Variants in DEFB118 observed in about 807,000 individuals in gnomAD.
DEFB118 encodes defensin beta 118, also known as defensin, beta 18.
In DEFB118, 3 loss-of-function variants were observed where a neutral mutation model predicts 2.8. The ratio of observed to expected loss-of-function variants is 1.09; its 90% CI spans 0.50 to 2.82. The LOEUF (loss-of-function observed/expected upper bound fraction) is 2.82, where lower values mean the gene tolerates loss of function less well. Ranked by LOEUF, DEFB118 falls within the 30% of genes most tolerant of loss-of-function variation. DEFB118 has a pLI of 0.04. For synonymous variants in DEFB118, 63 were observed against 53.5 expected (o/e 1.18, Z -0.78); for missense variants, 159 against 144.6 (o/e 1.10, Z -0.51).
chr20:31,369,296 A>G (rs1033366775), intron 1 of DEFB118, among the ~76,000 whole-genome samples: 2 of 151,736 alleles, frequency 1.3e-5, no homozygotes, highest in Non-Finnish European at 2.9e-5. Context: ...ATTTCAATGT[A>G]TGATCGAACT....
chr20:31,371,633 G>T (rs1047613926), intron 1 of DEFB118, among the ~76,000 whole-genome samples: 1 of 151,976 alleles, frequency 6.6e-6, no homozygotes, highest in African/African-American at 2.4e-5. Context: ...ACCACGCCTG[G>T]CTAATTTTTG....
In DEFB118 at chr20:31,373,244, C is replaced by G; in HGVS notation, c.*74C>G. The G allele has an allele frequency of 7.3e-7, 1 of 1,373,552 alleles. No individual in the cohort carries two copies. The allele number at this position is 1,373,552 out of a possible 1,614,324, so 85.1% of individuals were successfully genotyped here. ...TCACATACAGATAAAGCACTGAAAA[C>G]ACCACAGTGACCCTCCCACCCCCCA... is the stretch of plus-strand genomic sequence containing the variant. On this transcript the variant is annotated 3_prime_UTR_variant, in exon 2 of 2. Coordinates refer to ENST00000253381, the MANE Select transcript of DEFB118 (RefSeq NM_054112.3).
Position 31,373,906 on chromosome 20 carries a change from A to C in DEFB118, c.*736A>C, listed in dbSNP as rs1986259894. The C allele has an allele frequency of 6.6e-6, 1 of 151,442 alleles. No individual in the cohort carries two copies. The highest frequency in any genetic ancestry group is 2.4e-5 in the African/African-American group (1 of 41,288). 9.4% of individuals were successfully genotyped at this position (151,442 alleles called of 1,614,324 possible). ...ATTTGTCTCCCTCTGATAGCAAAAA[A>C]AAAAAAAAAAAAAAAAATCTTCACA... is the stretch of plus-strand genomic sequence containing the variant. On this transcript the variant is annotated 3_prime_UTR_variant, in exon 2 of 2. Coordinates refer to ENST00000253381, the MANE Select transcript of DEFB118 (RefSeq NM_054112.3).
chr20:31,370,101 T>C (rs914286109), intron 1 of DEFB118, among the ~76,000 whole-genome samples: 2 of 152,066 alleles, frequency 1.3e-5, no homozygotes, highest in Non-Finnish European at 2.9e-5. Context: ...TACCCTGGCG[T>C]TCAGGGTAGG....
intron 1 of DEFB118, among the ~76,000 whole-genome samples, chr20:31,370,948 A>G (rs1268879371): frequency 6.6e-6 from 1 of 152,006 alleles, no homozygotes; most frequent in Non-Finnish European, 1.5e-5. Flanking sequence ...ATGGGGTTTC[A>G]GCACATTGGC....
Position 31,368,612 on chromosome 20 carries a change from T to C in DEFB118, c.-39T>C, listed in dbSNP as rs1363121438. On this transcript the variant is annotated 5_prime_UTR_variant, in exon 1 of 2. Coordinates refer to ENST00000253381, the MANE Select transcript of DEFB118 (RefSeq NM_054112.3). Reference sequence around the variant, plus strand: ...CAGACTCACACTGCACACAGTATTCTGAACTCCTGGATCTACCACCTCCTG... The same window carrying C: ...CAGACTCACACTGCACACAGTATTCCGAACTCCTGGATCTACCACCTCCTG... 1 of 1,607,322 alleles carries C rather than the reference T, an allele frequency of 6.2e-7. No homozygotes were observed. The highest frequency in any genetic ancestry group is 8.5e-7 in the Non-Finnish European group (1 of 1,174,108).
intron 1 of DEFB118, among the ~76,000 whole-genome samples, chr20:31,369,310 A>G (rs760168096): frequency 1.3e-5 from 2 of 152,094 alleles, no homozygotes; most frequent in Non-Finnish European, 2.9e-5. Context: ...TCGAACTTAC[A>G]TAAAAATGAA....
Position 31,373,244 on chromosome 20 carries a change from C to A in DEFB118, c.*74C>A. On this transcript the variant is annotated 3_prime_UTR_variant, in exon 2 of 2. Coordinates refer to ENST00000253381, the MANE Select transcript of DEFB118 (RefSeq NM_054112.3). ...TCACATACAGATAAAGCACTGAAAA[C>A]ACCACAGTGACCCTCCCACCCCCCA... The A allele has an allele frequency of 7.3e-7, 1 of 1,373,552 alleles. No individual in the cohort carries two copies. The highest frequency in any genetic ancestry group is 1.3e-5 in the South Asian group (1 of 75,088). 85.1% of individuals were successfully genotyped at this position (1,373,552 alleles called of 1,614,324 possible).
intron 1 of DEFB118, 35 bp downstream of exon 1, chr20:31,368,743 G>T (rs774210132): frequency 2.5e-6 from 4 of 1,597,596 alleles, no homozygotes; most frequent in African/African-American, 2.7e-5. Context: ...AAAAATAGAG[G>T]TATAGTGGGT....
rs756368848 is a variant in DEFB118 at position 31,368,721 on chromosome 20, C to T, written c.58+13C>T. On this transcript the variant is annotated intron_variant, in intron 1 of 1. Coordinates refer to ENST00000253381, the MANE Select transcript of DEFB118 (RefSeq NM_054112.3). ...CAAGTGATCCCAGGTAATCAGAGGT[C>T]AGGGAAGATACAAAAATAGAGGTAT... The T allele has an allele frequency of 9.3e-6, 15 of 1,612,450 alleles. No individual in the cohort carries two copies. The highest frequency in any genetic ancestry group is 1.3e-5 in the Non-Finnish European group (15 of 1,178,772).
Position 31,368,728 on chromosome 20 carries a change from G to C in DEFB118, c.58+20G>C. On this transcript the variant is annotated intron_variant, in intron 1 of 1. Coordinates refer to ENST00000253381, the MANE Select transcript of DEFB118 (RefSeq NM_054112.3). Reference sequence around the variant, plus strand: ...TCCCAGGTAATCAGAGGTCAGGGAAGATACAAAAATAGAGGTATAGTGGGT... The same window carrying C: ...TCCCAGGTAATCAGAGGTCAGGGAACATACAAAAATAGAGGTATAGTGGGT... The C allele has an allele frequency of 6.2e-6, 10 of 1,611,536 alleles. No individual in the cohort carries two copies. Among genetic ancestry groups the C allele is most frequent in the Non-Finnish European group, 8.5e-6 (10 of 1,178,012 alleles).
intron 1 of DEFB118, among the ~76,000 whole-genome samples, chr20:31,369,932 C>A (rs1008864112): frequency 2.0e-5 from 3 of 150,646 alleles, no homozygotes; most frequent in Admixed American, 6.6e-5. Context: ...TCCTAGAGGG[C>A]AAATAACCAA....
rs1986236282 is a variant in DEFB118 at position 31,372,891 on chromosome 20, A to G, written c.93A>G (p.Ser31=). ...GTGAAAAAAAATGCTGGAACAGATC[A>G]GGGCACTGCAGGAAACAATGCAAAG... is the stretch of plus-strand genomic sequence containing the variant. ...YSGEKKCWNR[S]GHCRKQCKDG... Residue 31 remains serine, a synonymous_variant, in exon 2 of 2, where the codon TCA becomes TCG. Transcript: ENST00000253381. The G allele has an allele frequency of 1.9e-6, 3 of 1,614,184 alleles. No individual in the cohort carries two copies. Among genetic ancestry groups the G allele is most frequent in the Non-Finnish European group, 1.7e-6 (2 of 1,180,012 alleles).
intron 1 of DEFB118, among the ~76,000 whole-genome samples, chr20:31,371,532 A>G (rs2122271305): frequency 6.6e-6 from 1 of 151,602 alleles, no homozygotes; most frequent in East Asian, 2.0e-4. Context: ...GTGCAGTGGC[A>G]CGATCTCAAC....
Position 31,368,722 on chromosome 20 carries a change from A to AG in DEFB118, c.58+17dup. On this transcript the variant is annotated intron_variant, in intron 1 of 1. Transcript: ENST00000253381. ...AAGTGATCCCAGGTAATCAGAGGTC[A>AG]GGGAAGATACAAAAATAGAGGTATA... 6.2e-7 allele frequency: 1 copy of AG among 1,612,458 alleles called. No individual in the cohort carries two copies. Among genetic ancestry groups the AG allele is most frequent in the Non-Finnish European group, 8.5e-7 (1 of 1,178,726 alleles).
chr20:31,373,257 C>T lies in DEFB118; in HGVS notation c.*87C>T. The T allele has an allele frequency of 1.7e-6, 2 of 1,164,558 alleles. No homozygotes were observed. The highest frequency in any genetic ancestry group is 2.4e-6 in the Non-Finnish European group (2 of 827,870). The allele number at this position is 1,164,558 out of a possible 1,614,324, so 72.1% of individuals were successfully genotyped here. A position where few individuals can be genotyped will look rare whatever the true frequency, so the allele number is the denominator to read the frequency against. ...AAGCACTGAAAACACCACAGTGACC[C>T]TCCCACCCCCCACCAATATGTAATT... On this transcript the variant is annotated 3_prime_UTR_variant, in exon 2 of 2. Transcript: ENST00000253381.
chr20:31,371,805 T>C (rs190588516), intron 1 of DEFB118, among the ~76,000 whole-genome samples: 1 of 152,342 alleles, frequency 6.6e-6, no homozygotes, highest in Non-Finnish European at 1.5e-5. Flanking sequence ...GTGTACATTA[T>C]ACCCAATAGG....
In DEFB118 at chr20:31,373,015, T is replaced by C. The variant is rs777754334; in HGVS notation, c.217T>C (p.Leu73=). ...RRVPATSPTP[L]SDSTPGIIDD... Reference sequence around the variant, plus strand: ...AGTTCCTGCGACATCTCCCACACCCTTGAGTGACTCAACACCAGGAATTAT... The same window carrying C: ...AGTTCCTGCGACATCTCCCACACCCCTGAGTGACTCAACACCAGGAATTAT... Residue 73 remains leucine, a synonymous_variant, in exon 2 of 2, where the codon TTG becomes CTG. Coordinates refer to ENST00000253381, the MANE Select transcript of DEFB118 (RefSeq NM_054112.3). 1.2e-6 allele frequency: 2 copies of C among 1,614,178 alleles called. No homozygotes were observed. Among genetic ancestry groups the C allele is most frequent in the Admixed American group, 3.3e-5 (2 of 60,032 alleles).
At chr20:31,370,218 G>C (rs1362280250) in intron 1 of DEFB118, among the ~76,000 whole-genome samples, 2 of 152,184 alleles carry the variant, frequency 1.3e-5, no homozygotes, top group Admixed American at 1.3e-4. Flanking sequence ...CCAGAAGTCA[G>C]TAATCAGAAG....
Sources: gnomAD v4.1 joint callset for allele counts (sites outside exome capture counted in the v4.1 genomes callset) on GRCh38, gnomAD v4.1.1 for gene constraint, MANE v1.5 for transcripts, NCBI Gene and HGNC (gene_info 2026-07-23, HGNC 2026-07-21) for gene names.